Variants in TAF8 observed in about 807,000 individuals in gnomAD.
TAF8 encodes transcription initiation factor TFIID subunit 8.
In TAF8, 47 loss-of-function variants were observed where a neutral mutation model predicts 36.5. The ratio of observed to expected loss-of-function variants is 1.29; its 90% CI spans 1.02 to 1.64. The LOEUF (loss-of-function observed/expected upper bound fraction) is 1.64. Ranked by LOEUF, TAF8 falls within the 40% of genes most tolerant of loss-of-function variation. TAF8 has a pLI of 0.00. For synonymous variants in TAF8, 175 were observed against 159.5 expected (o/e 1.10, Z -0.73); for missense variants, 420 against 407.6 (o/e 1.03, Z -0.26).
rs1028603640 is a variant in TAF8, at chr6:42,077,631, C to T, written c.*86C>T. 3.9e-5 allele frequency: 62 copies of T among 1,574,600 alleles called. No individual in the cohort carries two copies. The highest frequency in any genetic ancestry group is 4.8e-5 in the Non-Finnish European group (56 of 1,160,046). On this transcript the variant is annotated 3_prime_UTR_variant, in exon 9 of 9. Transcript: ENST00000372977. ...CCACTCAAGGGAAGAAGAGGGTGAC[C>T]TCCTCATGGCCAAGCCGAGGCTGCA...
At chr6:42,055,108 G>A (rs912229098) in intron 2 of TAF8, among the ~76,000 whole-genome samples, 16 of 151,902 alleles carry the variant, frequency 1.1e-4, no homozygotes, top group African/African-American at 3.4e-4. Context: ...ATTTTTAGTA[G>A]AGAAGGGGTT....
chr6:42,082,527 T>TG lies in TAF8; in HGVS notation c.*4986dup, dbSNP rs1765953695. On this transcript the variant is annotated 3_prime_UTR_variant, in exon 9 of 9. Coordinates refer to ENST00000372977, the MANE Select transcript of TAF8 (RefSeq NM_138572.3). ...CTAACTTTTGTATTTTTAGTAGAGA[T>TG]GGGGTTTCACCATGTTGGCCAGGTT... is the stretch of plus-strand genomic sequence containing the variant. 1 of 152,154 alleles carries TG rather than the reference T, an allele frequency of 6.6e-6. No homozygotes were observed. 9.4% of individuals were successfully genotyped at this position (152,154 alleles called of 1,614,324 possible). A position where few individuals can be genotyped will look rare whatever the true frequency, so the allele number is the denominator to read the frequency against.
At position 42,081,103 on chromosome 6, in the gene TAF8, C is replaced by T. The variant is rs955246794; in HGVS notation, c.*3558C>T. ...TGCCTCATCAAGCTTCCACACTTGT[C>T]AGTAGCTTGTTGATTCTGTTTCATC... On this transcript the variant is annotated 3_prime_UTR_variant, in exon 9 of 9. Coordinates refer to ENST00000372977, the MANE Select transcript of TAF8 (RefSeq NM_138572.3). 4 of 314,806 alleles carry T rather than the reference C, an allele frequency of 1.3e-5. No individual in the cohort carries two copies. Among genetic ancestry groups the T allele is most frequent in the Admixed American group, 1.3e-4 (2 of 15,434 alleles). The allele number at this position is 314,806 out of a possible 1,614,324, so 19.5% of individuals were successfully genotyped here. A position where few individuals can be genotyped will look rare whatever the true frequency, so the allele number is the denominator to read the frequency against.
Position 42,068,591 on chromosome 6 carries a change from C to T in TAF8, c.764C>T (p.Ala255Val), listed in dbSNP as rs1044000808. Residue 255 changes from alanine to valine, a missense_variant, in exon 7 of 9, where the codon GCT becomes GTT. Ala to Val is a moderately conservative substitution (Grantham distance 64). Transcript: ENST00000372977. Reference sequence around the variant, plus strand: ...GAACAGACAGACACAGAGAACCTTGCTCTTCATATCAGCATGGTGGGTTCC... The same window carrying T: ...GAACAGACAGACACAGAGAACCTTGTTCTTCATATCAGCATGGTGGGTTCC... Reference protein sequence around the residue: ...QDEQTDTENLALHISMEDSGA... With the variant: ...QDEQTDTENLVLHISMEDSGA... 6 of 1,613,324 alleles carry T rather than the reference C, an allele frequency of 3.7e-6. No homozygotes were observed. The African/African-American group carries it at 6.7e-5, about 18-fold the overall frequency.
intron 5 of TAF8, chr6:42,063,431 T>C (rs550490946): frequency 6.6e-6 from 1 of 152,190 alleles, no homozygotes; most frequent in African/African-American, 2.4e-5. Flanking sequence ...CATACTCCAG[T>C]ATATGTTTGC....
intron 2 of TAF8, 44 bp from the exon 3 acceptor site, chr6:42,055,487 C>A: frequency 1.5e-6 from 2 of 1,332,718 alleles, no homozygotes; most frequent in Non-Finnish European, 1.1e-6. Flanking sequence ...GTTTAACTTT[C>A]TGAGGAACTG....
chr6:42,067,928 A>G (rs1441381403), intron 6 of TAF8, among the ~76,000 whole-genome samples: 1 of 152,158 alleles, frequency 6.6e-6, no homozygotes. Flanking sequence ...TTTTTGGAAG[A>G]GCTAGAACTC....
downstream of TAF8, among the ~76,000 whole-genome samples, chr6:42,085,638 C>T (rs919380946): frequency 2.0e-5 from 3 of 151,434 alleles, no homozygotes; most frequent in South Asian, 6.3e-4. Flanking sequence ...GCCTGAGCAA[C>T]ATGGCAAGAC....
At position 42,080,373 on chromosome 6, in the gene TAF8, C is replaced by CTT. The variant is rs751949509; in HGVS notation, c.*2843_*2844dup. 5.0e-4 allele frequency: 378 copies of CTT among 755,792 alleles called. No individual in the cohort carries two copies. Among genetic ancestry groups the CTT allele is most frequent in the Middle Eastern group, 6.7e-4 (1 of 1,494 alleles). The allele number at this position is 755,792 out of a possible 1,614,324, so 46.8% of individuals were successfully genotyped here. A position where few individuals can be genotyped will look rare whatever the true frequency, so the allele number is the denominator to read the frequency against. ...AGGCTATACTCTTTTTTTTTCTTTT[C>CTT]TTTTTTTTTTTTTTTTGAGACGGCA... On this transcript the variant is annotated 3_prime_UTR_variant, in exon 9 of 9. Transcript: ENST00000372977.
rs556781697 is a variant in TAF8 at position 42,078,778 on chromosome 6, G to A, written c.*1233G>A. 51 of 985,448 alleles carry A rather than the reference G, an allele frequency of 5.2e-5. No homozygotes were observed. Among genetic ancestry groups the A allele is most frequent in the Admixed American group, 6.1e-5 (1 of 16,280 alleles). 61.0% of individuals were successfully genotyped at this position (985,448 alleles called of 1,614,324 possible). The stretch of plus-strand genomic sequence containing the variant: ...GTTTTCTCTGACAAGAGCCTAGAGC[G>A]TCGGCTCTATTATGCTGGGACTTGA... On this transcript the variant is annotated 3_prime_UTR_variant, in exon 9 of 9. Coordinates refer to ENST00000372977, the MANE Select transcript of TAF8 (RefSeq NM_138572.3).
intron 4 of TAF8, 45 bp downstream of exon 4, chr6:42,056,059 G>A (rs767836609): frequency 2.3e-6 from 3 of 1,277,140 alleles, no homozygotes; most frequent in South Asian, 2.4e-5. Flanking sequence ...TTCAATTAAT[G>A]CTTGTGGAAT....
At position 42,079,082 on chromosome 6, in the gene TAF8, A is replaced by G. The variant is rs533967710; in HGVS notation, c.*1537A>G. On this transcript the variant is annotated 3_prime_UTR_variant, in exon 9 of 9. Coordinates refer to ENST00000372977, the MANE Select transcript of TAF8 (RefSeq NM_138572.3). ...GGTTGCAGTGAGCCGAGATCGTGCC[A>G]CTGCACTCCAGCCTGGGTGACAGAG... The G allele has an allele frequency of 2.4e-6, 2 of 835,394 alleles. No homozygotes were observed. The highest frequency in any genetic ancestry group is 3.7e-5 in the African/African-American group (2 of 54,354). 51.7% of individuals were successfully genotyped at this position (835,394 alleles called of 1,614,324 possible). A position where few individuals can be genotyped will look rare whatever the true frequency, so the allele number is the denominator to read the frequency against.
rs760208849 is a variant in TAF8 at position 42,051,425 on chromosome 6, G to A, written c.114G>A (p.Gln38=). Residue 38 remains glutamine (Q), a synonymous_variant, in exon 2 of 9, where the codon CAG becomes CAA. Transcript: ENST00000372977. ...ATCTGGCCCGGAGGAGAACCCTGCAGGTGGTTGTGAGCTCCTTGCTGACAG... is the reference window on the plus strand; with the variant it reads ...ATCTGGCCCGGAGGAGAACCCTGCAAGTGGTTGTGAGCTCCTTGCTGACAG... ...NYHLARRRTL[Q]VVVSSLLTEA... 6.2e-7 allele frequency: 1 copy of A among 1,614,150 alleles called. No individual in the cohort carries two copies. The highest frequency in any genetic ancestry group is 8.5e-7 in the Non-Finnish European group (1 of 1,180,014).
chr6:42,071,344 T>TTTTTA, intron 7 of TAF8: 1 of 178,040 alleles, frequency 5.6e-6, no homozygotes, highest in Non-Finnish European at 1.1e-5. Context: ...TTTTTTTTTT[T>TTTTTA]AGATAGAGTC....
At chr6:42,059,899 T>C (rs1765132281) in intron 5 of TAF8, among the ~76,000 whole-genome samples, 1 of 152,146 alleles carries the variant, frequency 6.6e-6, no homozygotes, top group Non-Finnish European at 1.5e-5. Flanking sequence ...GCTGTGAAGA[T>C]GGGAAAAGGC....
chr6:42,051,649 A>G lies in TAF8; in HGVS notation c.202+136A>G, dbSNP rs1562007628. 84 of 1,033,270 alleles carry G rather than the reference A, an allele frequency of 8.1e-5. 1 individual carries two copies. Among genetic ancestry groups the G allele is most frequent in the Non-Finnish European group, 1.1e-4 (81 of 737,832 alleles). 64.0% of individuals were successfully genotyped at this position (1,033,270 alleles called of 1,614,324 possible). A position where few individuals can be genotyped will look rare whatever the true frequency, so the allele number is the denominator to read the frequency against. On this transcript the variant is annotated intron_variant, in intron 2 of 8. Transcript: ENST00000372977. ...GGAGAAAAAAAATTTTTTTTAATGT[A>G]AAAAGTTGAGAAAAGAAAACAGCAC...
rs1765833545 is a variant in TAF8, at chr6:42,078,664, ACT to A, written c.*1123_*1124del. On this transcript the variant is annotated 3_prime_UTR_variant, in exon 9 of 9. Transcript: ENST00000372977. ...CGAAAGCTCCCTGAAGCGGGGCAGC[ACT>A]CTCCTCCTGAGAGATTTACCATTTA... 1.0e-6 allele frequency: 1 copy of A among 985,122 alleles called. No individual in the cohort carries two copies. Among genetic ancestry groups the A allele is most frequent in the Admixed American group, 6.2e-5 (1 of 16,248 alleles). 61.0% of individuals were successfully genotyped at this position (985,122 alleles called of 1,614,324 possible). A position where few individuals can be genotyped will look rare whatever the true frequency, so the allele number is the denominator to read the frequency against.
At chr6:42,085,803 G>A (rs2127469157), downstream of TAF8, among the ~76,000 whole-genome samples, 1 of 152,254 alleles carries the variant, frequency 6.6e-6, no homozygotes, top group Non-Finnish European at 1.5e-5. Context: ...TGGCCAACAT[G>A]GTGAAACCCC....
At position 42,051,501 on chromosome 6, in the gene TAF8, A is replaced by T; in HGVS notation, c.190A>T (p.Met64Leu). ...EKASVETLTE[M>L]LQSYISEIGR... ...AGCATCCGTGGAAACGCTGACAGAG[A>T]TGCTGCAGAGCTGTGAGTACATGGA... Residue 64 changes from methionine (M) to leucine (L), a missense_variant, in exon 2 of 9, where the codon ATG becomes TTG. Physicochemically the swap from Met to Leu is conservative, Grantham distance 15. Coordinates refer to ENST00000372977, the MANE Select transcript of TAF8 (RefSeq NM_138572.3). 6.2e-7 allele frequency: 1 copy of T among 1,614,028 alleles called. No individual in the cohort carries two copies. The highest frequency in any genetic ancestry group is 1.1e-5 in the South Asian group (1 of 91,088).
Sources: gnomAD v4.1 joint callset for allele counts (sites outside exome capture counted in the v4.1 genomes callset) on GRCh38, gnomAD v4.1.1 for gene constraint, MANE v1.5 for transcripts, NCBI Gene and HGNC (gene_info 2026-07-23, HGNC 2026-07-21) for gene names.